ESR1: variants seen among roughly 807,000 people sequenced by gnomAD.
ESR1 encodes the protein estrogen receptor 1, also known as estrogen receptor.
A neutral mutation model predicts 52.7 loss-of-function variants in ESR1; 12 were observed. That is an observed-to-expected ratio of 0.23 (90% CI 0.15 to 0.37). The LOEUF is 0.37. Among genes scored for constraint, ESR1 ranks in the 10% least tolerant of loss-of-function variants. The probability of loss-of-function intolerance (pLI) is 1.00; values close to 1 mark genes in which losing one functional copy is unlikely to be tolerated. For synonymous variants in ESR1, 305 were observed against 316.8 expected (o/e 0.96, Z 0.39); for missense variants, 584 against 779.7 (o/e 0.75, Z 2.99).
chr6:152,103,275 GACA>G (rs2051015018), downstream of ESR1: 6 of 178,934 alleles, frequency 3.4e-5, no homozygotes, highest in South Asian at 9.9e-4. Context: ...TTAAACTAAA[GACA>G]ACGAGTTTGT....
In ESR1 at chr6:151,676,758, G is replaced by A. The variant is rs553170724; in HGVS notation, n.73+19995G>A. Among the ~76,000 whole-genome samples, 15 of 152,212 alleles carry A rather than the reference G, an allele frequency of 9.9e-5. No individual in the cohort carries two copies. The South Asian group carries it at 2.3e-3, about 23-fold the overall frequency. On this transcript the variant is annotated intron_variant and non_coding_transcript_variant, in intron 1 of 2. Transcript: ENST00000473497. ...TCTCCATCTACCCCTTCCCACTCGC[G>A]GAAGCTGCCTCACCAGAGAAACTGC... is the stretch of plus-strand genomic sequence containing the variant.
At chr6:151,870,894 C>G (rs539553470) in intron 2 of ESR1, among the ~76,000 whole-genome samples, 2 of 152,090 alleles carry the variant, frequency 1.3e-5, no homozygotes, top group East Asian at 3.9e-4. Flanking sequence ...CTCTGTCCCC[C>G]AGGCTGAAGT....
intron 5 of ESR1, among the ~76,000 whole-genome samples, chr6:152,031,172 C>T (rs1008009193): frequency 7.2e-5 from 11 of 152,222 alleles, no homozygotes; most frequent in East Asian, 1.9e-4. Context: ...ACTAAATGCC[C>T]GCAAGAGAAA....
At chr6:151,753,241 A>G (rs1784028850) in intron 2 of ESR1, among the ~76,000 whole-genome samples, 1 of 152,140 alleles carries the variant, frequency 6.6e-6, no homozygotes, top group Non-Finnish European at 1.5e-5. Context: ...TGAGAAGTAG[A>G]CAATTTCTAT....
chr6:151,669,154 G>T (rs1277465534), intron 1 of ESR1, among the ~76,000 whole-genome samples: 1 of 116,938 alleles, frequency 8.6e-6, no homozygotes, highest in African/African-American at 3.2e-5. Context: ...CTGGGAGAGA[G>T]AGAGAGAGAG....
At chr6:151,718,161 GA>G (rs1305703930) in intron 2 of ESR1, among the ~76,000 whole-genome samples, 2 of 152,174 alleles carry the variant, frequency 1.3e-5, no homozygotes, top group South Asian at 4.2e-4. Flanking sequence ...TATAAAATGG[GA>G]AAATAAAATT....
At chr6:151,893,178 A>G (rs1794944864) in intron 3 of ESR1, among the ~76,000 whole-genome samples, 1 of 152,056 alleles carries the variant, frequency 6.6e-6, no homozygotes, top group Non-Finnish European at 1.5e-5. Context: ...GCGACAGAGC[A>G]AGACTCTGTC....
rs145612301 is a variant in ESR1, at chr6:152,008,954, G to A, written c.1097-2702G>A. On this transcript the variant is annotated intron_variant, in intron 4 of 7. Coordinates refer to ENST00000206249, the MANE Select transcript of ESR1 (RefSeq NM_000125.4). Reference sequence around the variant, plus strand: ...GTACTGATCACTTAAACCAAAACCAGTTTGGCTTATCCTATGAGATCGTGG... The same window carrying A: ...GTACTGATCACTTAAACCAAAACCAATTTGGCTTATCCTATGAGATCGTGG... 9.2e-5 allele frequency among the ~76,000 whole-genome samples: 14 copies of A among 152,220 alleles called. No individual in the cohort carries two copies. In the East Asian group the frequency reaches 2.5e-3, roughly 27 times the overall value.
At chr6:151,745,891 A>C (rs113235865) in intron 2 of ESR1, among the ~76,000 whole-genome samples, 2 of 151,986 alleles carry the variant, frequency 1.3e-5, no homozygotes, top group African/African-American at 4.8e-5. Flanking sequence ...CTCCTTCCCC[A>C]TTTCCTTCTC....
intron 1 of ESR1, among the ~76,000 whole-genome samples, chr6:151,819,501 A>G (rs1198396463): frequency 1.3e-5 from 2 of 152,166 alleles, no homozygotes; most frequent in Non-Finnish European, 2.9e-5. Flanking sequence ...CAGCGGTAGC[A>G]TTAGATTTTC....
chr6:152,040,083 G>A (rs2045658532), intron 5 of ESR1, among the ~76,000 whole-genome samples: 2 of 152,310 alleles, frequency 1.3e-5, no homozygotes, highest in Admixed American at 6.5e-5. Context: ...GATGGAAGAG[G>A]TTCAGTATAA....
At chr6:152,058,326 T>C (rs562024381) in intron 5 of ESR1, among the ~76,000 whole-genome samples, 39 of 152,308 alleles carry the variant, frequency 2.6e-4, no homozygotes, top group African/African-American at 9.4e-4. Context: ...TTGGGCAGCA[T>C]ACCTCTTGAA....
intron 1 of ESR1, among the ~76,000 whole-genome samples, chr6:151,835,674 G>A (rs1783212055): frequency 6.6e-6 from 1 of 152,196 alleles, no homozygotes; most frequent in Non-Finnish European, 1.5e-5. Context: ...GAATATGTGG[G>A]CGAGTGTAGT....
At chr6:151,677,678 A>G (rs1396119232) in intron 1 of ESR1, among the ~76,000 whole-genome samples, 1 of 152,186 alleles carries the variant, frequency 6.6e-6, no homozygotes, top group Non-Finnish European at 1.5e-5. Flanking sequence ...CCACTTGGCA[A>G]AGGTTGATTG....
At chr6:151,692,838 G>T (rs1282758961) in intron 1 of ESR1, among the ~76,000 whole-genome samples, 1 of 152,204 alleles carries the variant, frequency 6.6e-6, no homozygotes, top group East Asian at 1.9e-4. Flanking sequence ...CTCTCTGAAA[G>T]TCTGTGATTC....
chr6:152,124,130 C>T (rs918100222), intron 6 of ESR1, among the ~76,000 whole-genome samples: 1 of 152,118 alleles, frequency 6.6e-6, no homozygotes. Flanking sequence ...TCAAGCCAGC[C>T]TGGCCAACAT....
chr6:151,956,855 TATATATAAATATATATATATATATAA>T (rs1562594278), intron 4 of ESR1, among the ~76,000 whole-genome samples: 40 of 81,388 alleles, frequency 4.9e-4, no homozygotes, highest in African/African-American at 1.1e-3. Flanking sequence ...TATATATATA[TATATATAAATATATATATATATATAA>T]AATTTTTTTT....
intron 4 of ESR1, among the ~76,000 whole-genome samples, chr6:151,999,221 AAAT>A (rs1377115483): frequency 2.0e-5 from 3 of 152,172 alleles, no homozygotes; most frequent in Non-Finnish European, 4.4e-5. Context: ...ACTTAAAAGT[AAAT>A]AAAATGATTT....
At chr6:151,993,111 T>A (rs566842091) in intron 4 of ESR1, among the ~76,000 whole-genome samples, 1 of 152,258 alleles carries the variant, frequency 6.6e-6, no homozygotes, top group South Asian at 2.1e-4. Context: ...TTCATGACAA[T>A]AAACGAGTTG....
Sources: allele counts gnomAD v4.1 joint callset (sites outside exome capture counted in the v4.1 genomes callset), GRCh38; gene constraint gnomAD v4.1.1; transcripts MANE v1.5; gene names NCBI Gene and HGNC (gene_info 2026-07-23, HGNC 2026-07-21).